The following ZNF358 variants were observed in gnomAD, a reference collection of about 807,000 sequenced individuals.
ZNF358 encodes zinc finger protein 358.
ZNF358 carries 1 observed loss-of-function variant against 2.1 expected under a neutral mutation model. The observed-to-expected ratio is 0.49, with a 90% CI of 0.17 to 2.30. The LOEUF (loss-of-function observed/expected upper bound fraction) is 2.30. ZNF358 is among the 30% of genes most tolerant of loss of function. ZNF358 has a pLI of 0.26. For synonymous variants in ZNF358, 381 were observed against 359.7 expected, an observed-to-expected ratio of 1.06 and a Z score of -0.67; for missense variants, 665 against 806.8, an observed-to-expected ratio of 0.82 and a Z score of 2.13.
intron 1 of ZNF358, among the ~76,000 whole-genome samples, chr19:7,517,796 A>C (rs1019989466): frequency 1.3e-5 from 2 of 152,154 alleles, no homozygotes; most frequent in African/African-American, 4.8e-5. Flanking sequence ...TTTTCCCCAG[A>C]GGGCAAGCCA....
At chr19:7,514,660 T>C (rs1732921816), upstream of ZNF358, among the ~76,000 whole-genome samples, 1 of 152,162 alleles carries the variant, frequency 6.6e-6, no homozygotes, top group South Asian at 2.1e-4. Context: ...TGAGACGGAG[T>C]CTCGCTCTGT....
Position 7,520,049 on chromosome 19 carries a change from C to T in ZNF358, c.807C>T (p.Ala269=). 1.3e-6 allele frequency: 2 copies of T among 1,557,824 alleles called. No individual in the cohort carries two copies. The highest frequency in any genetic ancestry group is 1.7e-6 in the Non-Finnish European group (2 of 1,159,588). ...GPRPHKCPVC[A]KGFGQGSALL... is the part of the protein sequence containing the mutation. ...GGCCCCACAAGTGCCCGGTGTGCGC[C>T]AAGGGCTTCGGCCAGGGCTCTGCGC... Residue 269 remains alanine, a synonymous_variant, in exon 2 of 2, where the codon GCC becomes GCT. Transcript: ENST00000597229. The surrounding 1 kb of genome is among the most constrained non-coding windows in gnomAD (Gnocchi z 6.0).
Position 7,520,734 on chromosome 19 carries a change from G to T in ZNF358, c.1492G>T (p.Ala498Ser). The T allele has an allele frequency of 6.2e-7, 1 of 1,613,838 alleles. No individual in the cohort carries two copies. Among genetic ancestry groups the T allele is most frequent in the Non-Finnish European group, 8.5e-7 (1 of 1,179,980 alleles). ...PTPVESSDPK[A>S]GHDAGPDLVP... is the part of the protein sequence containing the mutation. ...TCCTGTGGAATCTTCTGACCCAAAG[G>T]CTGGGCACGACGCTGGTCCCGACCT... The change falls in exon 2 of 2, where the codon GCT becomes TCT. Residue 498 changes from alanine to serine, a missense_variant. Transcript: ENST00000597229. The surrounding 1 kb of genome is among the most constrained non-coding windows in gnomAD (Gnocchi z 6.0).
At position 7,520,325 on chromosome 19, in the gene ZNF358, GCTGCTCCAGCA is replaced by G; in HGVS notation, c.1085_1095del (p.Leu362ProfsTer33). On this transcript the variant is annotated frameshift_variant, in exon 2 of 2. Transcript: ENST00000597229. LOFTEE classifies it low-confidence loss of function (END_TRUNC). The surrounding 1 kb of genome is among the most constrained non-coding windows in gnomAD (Gnocchi z 6.0). ...CCAAGGCCTTCGGCCAGAGCTCAGC[GCTGCTCCAGCA>G]CCTGCACGTGCATTCGGGCGAGCGT... The G allele has an allele frequency of 6.2e-7, 1 of 1,611,638 alleles. No homozygotes were observed. The highest frequency in any genetic ancestry group is 8.5e-7 in the Non-Finnish European group (1 of 1,179,632).
At chr19:7,514,421 C>T (rs756018177), upstream of ZNF358, among the ~76,000 whole-genome samples, 1 of 152,186 alleles carries the variant, frequency 6.6e-6, no homozygotes, top group African/African-American at 2.4e-5. Flanking sequence ...GGATAAGGAA[C>T]CAGGGGCATA....
At chr19:7,514,949 A>G (rs1183699906), upstream of ZNF358, among the ~76,000 whole-genome samples, 1 of 152,170 alleles carries the variant, frequency 6.6e-6, no homozygotes, top group Non-Finnish European at 1.5e-5. Context: ...GTGGTTTTAC[A>G]GAGAATTACT....
rs2022411991 is a variant in ZNF358, at chr19:7,519,211, C to T, written c.-32C>T. 1 of 1,599,896 alleles carries T rather than the reference C, an allele frequency of 6.3e-7. No homozygotes were observed. Among genetic ancestry groups the T allele is most frequent in the African/African-American group, 1.3e-5 (1 of 74,572 alleles). Reference sequence around the variant, plus strand: ...TCTATCCTTGCCCTTGCAGGTCTTGCCCCAGAAGCTGCGGGCACATCCACG... The same window carrying T: ...TCTATCCTTGCCCTTGCAGGTCTTGTCCCAGAAGCTGCGGGCACATCCACG... On this transcript the variant is annotated 5_prime_UTR_variant, in exon 2 of 2. Transcript: ENST00000597229.
At chr19:7,517,853 T>C (rs2022366078) in intron 1 of ZNF358, among the ~76,000 whole-genome samples, 1 of 151,754 alleles carries the variant, frequency 6.6e-6, no homozygotes, top group Non-Finnish European at 1.5e-5. Context: ...TACCTGATGT[T>C]ATTTGTTCCA....
In ZNF358 at chr19:7,519,672, C is replaced by T; in HGVS notation, c.430C>T (p.Pro144Ser). The change falls in exon 2 of 2, where the codon CCC (proline) becomes TCC (serine). Residue 144 changes from proline (P) to serine (S), a missense_variant. Pro to Ser is a moderately conservative substitution (Grantham distance 74). Around this residue, in one of 3 missense-constraint regions of ZNF358, gnomAD observed 206 missense variants for 228.4 expected, o/e 0.90. Transcript: ENST00000597229. Reference sequence around the variant, plus strand: ...CACCAGCCCCGCGGTGCTCCCCGCCCCCGCCAGCCCGCCCCGGCCCTTCTC... The same window carrying T: ...CACCAGCCCCGCGGTGCTCCCCGCCTCCGCCAGCCCGCCCCGGCCCTTCTC... ...LATSPAVLPA[P>S]ASPPRPFSCP... The T allele has an allele frequency of 6.3e-7, 1 of 1,574,978 alleles. No homozygotes were observed. Among genetic ancestry groups the T allele is most frequent in the South Asian group, 1.1e-5 (1 of 88,080 alleles).
rs1397668773 is a variant in ZNF358, at chr19:7,520,580, C to A, written c.1338C>A (p.Leu446=). 3.0e-6 allele frequency: 4 copies of A among 1,326,568 alleles called. No individual in the cohort carries two copies. The East Asian group carries it at 1.0e-4, about 33-fold the overall frequency. The allele number at this position is 1,326,568 out of a possible 1,614,324, so 82.2% of individuals were successfully genotyped here. The change falls in exon 2 of 2, where the codon CTC becomes CTA. Residue 446 remains leucine (L), a synonymous_variant. Coordinates refer to ENST00000597229, the MANE Select transcript of ZNF358 (RefSeq NM_018083.5). The surrounding 1 kb of genome is among the most constrained non-coding windows in gnomAD (Gnocchi z 6.0). The part of the protein sequence containing the change: ...SLLGPDAVSV[L]GSGLGLSPGT... The stretch of plus-strand genomic sequence containing the variant: ...TGGGTCCTGATGCTGTTTCTGTGCT[C>A]GGCTCTGGCTTGGGCCTCAGCCCTG...
chr19:7,519,152 C>G (rs1395192174), intron 1 of ZNF358, 53 bp from the exon 2 acceptor site: 1 of 1,515,968 alleles, frequency 6.6e-7, no homozygotes, highest in African/African-American at 1.4e-5. Context: ...CAAAAGACAC[C>G]CCCGCTCCCA....
At chr19:7,517,303 G>A (rs1024122286) in intron 1 of ZNF358, among the ~76,000 whole-genome samples, 4 of 152,056 alleles carry the variant, frequency 2.6e-5, no homozygotes, top group Non-Finnish European at 4.4e-5. Flanking sequence ...GACACTACCC[G>A]CCATGTCCCA....
At chr19:7,519,064 CAA>C (rs397859220) in intron 1 of ZNF358, 139 bp from the exon 2 acceptor site, 88,164 of 561,538 alleles carry the variant, frequency 0.16, 450 homozygotes, top group Middle Eastern at 0.19. Context: ...GACCCCATCT[CAA>C]AAAAAAAAAA....
Position 7,519,683 on chromosome 19 carries a change from G to T in ZNF358, c.441G>T (p.Pro147=), listed in dbSNP as rs1196352769. ...SPAVLPAPAS[P]PRPFSCPDCG... ...CGGTGCTCCCCGCCCCCGCCAGCCC[G>T]CCCCGGCCCTTCTCCTGCCCGGATT... Residue 147 remains proline (P), a synonymous_variant, in exon 2 of 2, where the codon CCG becomes CCT. Coordinates refer to ENST00000597229, the MANE Select transcript of ZNF358 (RefSeq NM_018083.5). 5.9e-6 allele frequency: 8 copies of T among 1,351,792 alleles called. No homozygotes were observed. The highest frequency in any genetic ancestry group is 7.0e-6 in the Non-Finnish European group (7 of 1,000,230). The allele number at this position is 1,351,792 out of a possible 1,614,324, so 83.7% of individuals were successfully genotyped here.
chr19:7,520,723 C>G lies in ZNF358; in HGVS notation c.1481C>G (p.Ser494Cys). ...STPSPTPVESSDPKAGHDAGP... is the reference protein window; with the variant it reads ...STPSPTPVESCDPKAGHDAGP... ...CCCAGCCCTACTCCTGTGGAATCTTCTGACCCAAAGGCTGGGCACGACGCT... is the reference window on the plus strand; with the variant it reads ...CCCAGCCCTACTCCTGTGGAATCTTGTGACCCAAAGGCTGGGCACGACGCT... Residue 494 changes from serine (S) to cysteine (C), a missense_variant, in exon 2 of 2, where the codon TCT (serine) becomes TGT (cysteine). By Grantham distance (112) the Ser-to-Cys change is moderately radical. Around this residue, in one of 3 missense-constraint regions of ZNF358, gnomAD observed 249 missense variants for 227.6 expected, o/e 1.09. Coordinates refer to ENST00000597229, the MANE Select transcript of ZNF358 (RefSeq NM_018083.5). The surrounding 1 kb of genome is among the most constrained non-coding windows in gnomAD (Gnocchi z 6.0). 6.2e-7 allele frequency: 1 copy of G among 1,613,948 alleles called. No homozygotes were observed. Among genetic ancestry groups the G allele is most frequent in the Non-Finnish European group, 8.5e-7 (1 of 1,179,998 alleles).
At chr19:7,518,598 A>AGAAAGAAAGAAAGAAAGAAT (rs111382515) in intron 1 of ZNF358, among the ~76,000 whole-genome samples, 194 of 142,392 alleles carry the variant, frequency 1.4e-3, no homozygotes, top group Middle Eastern at 3.6e-3. Context: ...AAAGAAAGAA[A>AGAAAGAAAGAAAGAAAGAAT]GAATTGAAGT....
At position 7,520,380 on chromosome 19, in the gene ZNF358, T is replaced by C; in HGVS notation, c.1138T>C (p.Cys380Arg). The change falls in exon 2 of 2, where the codon TGC becomes CGC. Residue 380 changes from cysteine (C) to arginine (R), a missense_variant. Transcript: ENST00000597229. The surrounding 1 kb of genome is among the most constrained non-coding windows in gnomAD (Gnocchi z 6.0). ...CGAGCGTCCCTATCGCTGTCAGCTC[T>C]GCGGGAAGGCCTTCGGCCAGGCCTC... ...SGERPYRCQL[C>R]GKAFGQASSL... 2 of 1,609,224 alleles carry C rather than the reference T, an allele frequency of 1.2e-6. No homozygotes were observed. The highest frequency in any genetic ancestry group is 1.7e-6 in the Non-Finnish European group (2 of 1,177,972).
At chr19:7,518,325 G>T (rs1233932670) in intron 1 of ZNF358, among the ~76,000 whole-genome samples, 2 of 151,966 alleles carry the variant, frequency 1.3e-5, no homozygotes, top group Admixed American at 6.6e-5. Context: ...AGTGAGTGGG[G>T]TTTGGCCAGG....
In ZNF358 at chr19:7,516,290, C is replaced by T. The variant is rs1305050745; in HGVS notation, c.-39+41C>T. The T allele has an allele frequency of 1.5e-4, 1 of 6,554 alleles. No homozygotes were observed. Among genetic ancestry groups the T allele is most frequent in the Non-Finnish European group, 3.5e-4 (1 of 2,858 alleles). 0.4% of individuals were successfully genotyped at this position (6,554 alleles called of 1,614,324 possible). ...AGCGGGCTGGGGCCGGGGCGGGGGG[C>T]TGGGTGGGGGGCGGGCGGGCGGGGG... On this transcript the variant is annotated intron_variant, in intron 1 of 1. Coordinates refer to ENST00000597229, the MANE Select transcript of ZNF358 (RefSeq NM_018083.5). This position sits in a 1 kb window ranked among gnomAD's most constrained non-coding sequence, Gnocchi z 5.9.
Sources: allele counts gnomAD v4.1 joint callset (sites outside exome capture counted in the v4.1 genomes callset), GRCh38; gene constraint gnomAD v4.1.1; regional missense constraint gnomAD v4.1.1; non-coding constraint Gnocchi (gnomAD v3.1); transcripts MANE v1.5; gene names NCBI Gene and HGNC (gene_info 2026-07-23, HGNC 2026-07-21).